The following ATG2B variants were observed in gnomAD, a reference collection of about 807,000 sequenced individuals.
ATG2B encodes the protein autophagy-related protein 2 homolog B.
ATG2B carries 121 observed loss-of-function variants against 241.3 expected under a neutral mutation model. That is an observed-to-expected ratio of 0.50 (90% CI 0.43 to 0.58). The LOEUF is 0.58. ATG2B is among the 20% of genes least tolerant of loss of function. The probability of loss-of-function intolerance (pLI) is 0.00; values close to 1 mark genes in which losing one functional copy is unlikely to be tolerated. For synonymous variants in ATG2B, 858 were observed against 876.6 expected (o/e 0.98, Z 0.37); for missense variants, 2,306 against 2,491.6 (o/e 0.93, Z 1.59).
intron 5 of ATG2B, among the ~76,000 whole-genome samples, chr14:96,342,667 A>T (rs1888070969): frequency 6.7e-6 from 1 of 150,042 alleles, no homozygotes; most frequent in African/African-American, 2.5e-5. Flanking sequence ...GGTTGCAGTG[A>T]GTCGAGATTG....
intron 29 of ATG2B, 92 bp from the exon 30 acceptor site, chr14:96,307,008 T>C (rs1413284917): frequency 1.0e-6 from 1 of 1,003,478 alleles, no homozygotes; most frequent in Non-Finnish European, 1.5e-6. Flanking sequence ...TTGTGTGCTT[T>C]TACCTGCAAT....
rs1211353744 is a variant in ATG2B, at chr14:96,303,147, G to A, written c.4951C>T (p.Arg1651Ter). The change falls in exon 33 of 42, where the codon CGA becomes TGA. Residue 1651 changes from arginine to a stop codon, truncating the protein, a stop_gained. Transcript: ENST00000359933. LOFTEE classifies it high-confidence loss of function. ...ATTTGTGATGTTGCCAAACGATCTC[G>A]AATCTCAAGATCCTGAACAATGAAC... Reference protein sequence around the residue: ...QVFIVQDLEIRDRLATSQMNK... With the variant: ...QVFIVQDLEI 10 of 1,613,358 alleles carry A rather than the reference G, an allele frequency of 6.2e-6. No individual in the cohort carries two copies. Among genetic ancestry groups the A allele is most frequent in the Non-Finnish European group, 8.5e-6 (10 of 1,179,712 alleles).
In ATG2B at chr14:96,325,749, G is replaced by A; in HGVS notation, c.2337C>T (p.Ile779=). ...CTAGATCTGTGAAGGCTAAATAAAG[G>A]ATCTCCTTCTGAAGTGACTTCTTAA... is the stretch of plus-strand genomic sequence containing the variant. ...PWFKKSLQKE[I]LYLAFTDLEF... Residue 779 remains isoleucine (I), a synonymous_variant, in exon 15 of 42, where the codon ATC becomes ATT. Transcript: ENST00000359933. The A allele has an allele frequency of 6.2e-7, 1 of 1,613,850 alleles. No homozygotes were observed. The highest frequency in any genetic ancestry group is 8.5e-7 in the Non-Finnish European group (1 of 1,179,940).
chr14:96,313,559 C>A, intron 23 of ATG2B, 124 bp from the exon 24 acceptor site: 3 of 497,790 alleles, frequency 6.0e-6, no homozygotes, highest in Non-Finnish European at 1.1e-5. Context: ...AAAATCATAA[C>A]GGTAAAAGGA....
intron 22 of ATG2B, 47 bp from the exon 23 acceptor site, chr14:96,315,281 T>C: frequency 1.3e-6 from 2 of 1,588,002 alleles, no homozygotes; most frequent in African/African-American, 1.3e-5. Flanking sequence ...TATGTAATCC[T>C]ATAACTCAAA....
Position 96,315,161 on chromosome 14 carries a change from T to C in ATG2B, c.3635A>G (p.His1212Arg). The change falls in exon 23 of 42, where the codon CAT (histidine) becomes CGT (arginine). Residue 1212 changes from histidine (H) to arginine (R), a missense_variant. Physicochemically the swap from His to Arg is conservative, Grantham distance 29 (BLOSUM62 0). Transcript: ENST00000359933. ...ATATAACAGCTCTCTTACCTGCTCA[T>C]GCCAGCTAAGCCCAGAAGGAAGCAT... The part of the protein sequence containing the change: ...HRMLPSGLSW[H>R]EQILYFLNIA... 6.2e-7 allele frequency: 1 copy of C among 1,613,468 alleles called. No individual in the cohort carries two copies.
At chr14:96,302,682 T>C (rs905318512) in intron 33 of ATG2B, among the ~76,000 whole-genome samples, 7 of 152,298 alleles carry the variant, frequency 4.6e-5, no homozygotes, top group Non-Finnish European at 8.8e-5. Context: ...AAGCTAACCA[T>C]AGGTCCATAT....
chr14:96,290,967 G>A lies in ATG2B; in HGVS notation c.5580-32C>T. ...CAAATGATTATTAGTATGTCAAAAG[G>A]AGAAATACATTTATAGACACAGATT... On this transcript the variant is annotated intron_variant, in intron 38 of 41. Transcript: ENST00000359933. This position sits in a 1 kb window ranked among gnomAD's most constrained non-coding sequence, Gnocchi z 4.4. 2 of 1,581,852 alleles carry A rather than the reference G, an allele frequency of 1.3e-6. No homozygotes were observed. The highest frequency in any genetic ancestry group is 1.4e-5 in the African/African-American group (1 of 73,532).
chr14:96,343,369 C>A (rs1455742897), intron 4 of ATG2B, 88 bp from the exon 5 acceptor site: 2 of 588,078 alleles, frequency 3.4e-6, no homozygotes, highest in Non-Finnish European at 5.3e-6. Context: ...AACTAACCTG[C>A]ACATTGTGCA....
At chr14:96,324,515 G>A (rs946517515) in intron 15 of ATG2B, among the ~76,000 whole-genome samples, 6 of 151,950 alleles carry the variant, frequency 3.9e-5, no homozygotes, top group Non-Finnish European at 7.4e-5. Flanking sequence ...GAAAAAACCC[G>A]TCTCTACTAA....
At chr14:96,304,806 A>G (rs1193990863) in intron 31 of ATG2B, among the ~76,000 whole-genome samples, 2 of 152,174 alleles carry the variant, frequency 1.3e-5, no homozygotes, top group African/African-American at 4.8e-5. Context: ...TATTGCCATT[A>G]GAGTAATCAC....
intron 7 of ATG2B, 115 bp downstream of exon 7, chr14:96,334,290 C>T: frequency 3.0e-6 from 2 of 673,288 alleles, no homozygotes; most frequent in Non-Finnish European, 5.0e-6. Flanking sequence ...TTGCTTCTTT[C>T]AATTCAGATA....
chr14:96,362,225 G>A (rs1316175498), intron 1 of ATG2B, among the ~76,000 whole-genome samples: 1 of 152,126 alleles, frequency 6.6e-6, no homozygotes, highest in African/African-American at 2.4e-5. Flanking sequence ...AGGGCCAGAC[G>A]ACCATTCACA....
intron 1 of ATG2B, among the ~76,000 whole-genome samples, chr14:96,348,825 C>A (rs1355296372): frequency 6.6e-6 from 1 of 152,078 alleles, no homozygotes; most frequent in East Asian, 1.9e-4. Flanking sequence ...ACCCCTTTTA[C>A]CCTGATGTAA....
At chr14:96,311,443 T>C in intron 27 of ATG2B, 99 bp downstream of exon 27, 2 of 1,232,972 alleles carry the variant, frequency 1.6e-6, no homozygotes, top group Admixed American at 2.2e-5. Context: ...ACTTACTCTA[T>C]TTCTGACCAA....
At chr14:96,338,792 T>C (rs760297805) in intron 6 of ATG2B, among the ~76,000 whole-genome samples, 7 of 152,048 alleles carry the variant, frequency 4.6e-5, no homozygotes, top group Non-Finnish European at 1.0e-4. Flanking sequence ...TGGGACCTGA[T>C]TAAATTAAAA....
intron 14 of ATG2B, among the ~76,000 whole-genome samples, chr14:96,327,841 G>A (rs1414795274): frequency 6.6e-6 from 1 of 150,928 alleles, no homozygotes; most frequent in Non-Finnish European, 1.5e-5. Flanking sequence ...TCTTTTTCTT[G>A]AGACAGAGTC....
intron 5 of ATG2B, 73 bp from the exon 6 acceptor site, chr14:96,341,774 T>C (rs1595328851): frequency 5.2e-6 from 6 of 1,147,434 alleles, no homozygotes; most frequent in Non-Finnish European, 4.7e-6. Context: ...AATATAAATG[T>C]CAACTTAAGA....
rs199717483 is a variant in ATG2B at position 96,333,673 on chromosome 14, G to T, written c.1207+15C>A. The stretch of plus-strand genomic sequence containing the variant: ...ATAATATATGATTCTGGTGTCAACA[G>T]TTTGAGTTGCTTACCACGGCTAGAA... On this transcript the variant is annotated intron_variant, in intron 8 of 41. Transcript: ENST00000359933. 1.6e-5 allele frequency: 26 copies of T among 1,608,954 alleles called. No individual in the cohort carries two copies. Among genetic ancestry groups the T allele is most frequent in the Non-Finnish European group, 2.1e-5 (25 of 1,177,690 alleles).
Sources: gnomAD v4.1 joint callset for allele counts (sites outside exome capture counted in the v4.1 genomes callset) on GRCh38, gnomAD v4.1.1 for gene constraint, Gnocchi (gnomAD v3.1) non-coding constraint, MANE v1.5 for transcripts, NCBI Gene and HGNC (gene_info 2026-07-23, HGNC 2026-07-21) for gene names.